The following TERT variants were observed in gnomAD, a reference collection of about 807,000 sequenced individuals.
TERT encodes telomerase catalytic subunit.
TERT carries 42 observed loss-of-function variants against 104.0 expected under a neutral mutation model. The observed-to-expected ratio is 0.40, with a 90% CI of 0.32 to 0.52. The LOEUF (loss-of-function observed/expected upper bound fraction) is 0.52. TERT is among the 20% of genes least tolerant of loss of function. TERT has a pLI of 0.43. For missense variants in TERT, 1,101 were observed against 1,610.3 expected, an observed-to-expected ratio of 0.68 and a Z score of 5.41; for synonymous variants, 781 against 725.6, an observed-to-expected ratio of 1.08 and a Z score of -1.23.
rs1270091125 is a variant in TERT at position 1,266,645 on chromosome 5, T to C, written c.2583-110A>G. 6 of 950,806 alleles carry C rather than the reference T, an allele frequency of 6.3e-6. No individual in the cohort carries two copies. The East Asian group carries it at 1.3e-4, about 21-fold the overall frequency. The allele number at this position is 950,806 out of a possible 1,614,324, so 58.9% of individuals were successfully genotyped here. On this transcript the variant is annotated intron_variant, in intron 9 of 15. Coordinates refer to ENST00000310581, the MANE Select transcript of TERT (RefSeq NM_198253.3). Reference sequence around the variant, plus strand: ...TTACACAGCCATAAATAAAGTAACATTCTCCAAAGCGGTTAAATGAAAAAC... The same window carrying C: ...TTACACAGCCATAAATAAAGTAACACTCTCCAAAGCGGTTAAATGAAAAAC...
chr5:1,268,536 C>G lies in TERT; in HGVS notation c.2566G>C (p.Gly856Arg). The change falls in exon 9 of 16, where the codon GGG becomes CGG. Residue 856 changes from glycine (G) to arginine (R), a missense_variant. Gly to Arg is a moderately radical substitution (Grantham distance 125). Transcript: ENST00000310581. The surrounding 1 kb of genome is among the most constrained non-coding windows in gnomAD (Gnocchi z 5.5). Reference protein sequence around the residue: ...YGDMENKLFAGIRRDGLLLRL... With the variant: ...YGDMENKLFARIRRDGLLLRL... ...AGGCCTCACCCGTCCCGCCGAATCC[C>G]CGCAAACAGCTTGTTCTCCATGTCG... 1 of 1,613,534 alleles carries G rather than the reference C, an allele frequency of 6.2e-7. No homozygotes were observed. Among genetic ancestry groups the G allele is most frequent in the Non-Finnish European group, 8.5e-7 (1 of 1,180,016 alleles).
At chr5:1,259,596 CAT>C in intron 12 of TERT, among the ~76,000 whole-genome samples, 9 of 106,216 alleles carry the variant, frequency 8.5e-5, no homozygotes, top group African/African-American at 3.0e-4. Context: ...AGGGAGTGGA[CAT>C]GGATGCCCAC....
rs1751164809 is a variant in TERT at position 1,293,802 on chromosome 5, C to G, written c.1084G>C (p.Glu362Gln). ...GGCCTGGAACCCAGAAAGATGGTCT[C>G]CACGAGCCTCCGAGCGCCAGTCAGG... The part of the protein sequence containing the change: ...PSLTGARRLV[E>Q]TIFLGSRPWM... Residue 362 changes from glutamate to glutamine, a missense_variant, in exon 2 of 16, where the codon GAG becomes CAG. Coordinates refer to ENST00000310581, the MANE Select transcript of TERT (RefSeq NM_198253.3). 6.4e-7 allele frequency: 1 copy of G among 1,551,080 alleles called. No individual in the cohort carries two copies. Among genetic ancestry groups the G allele is most frequent in the African/African-American group, 1.4e-5 (1 of 73,180 alleles).
At chr5:1,258,442 C>T (rs1035424242) in intron 13 of TERT, among the ~76,000 whole-genome samples, 156 bp downstream of exon 13, 6 of 148,582 alleles carry the variant, frequency 4.0e-5, no homozygotes, top group South Asian at 2.1e-4. Context: ...CAGAGCCACG[C>T]GAACAGAACT....
intron 12 of TERT, among the ~76,000 whole-genome samples, chr5:1,260,149 T>C (rs1748120475): frequency 6.6e-6 from 1 of 152,164 alleles, no homozygotes; most frequent in Admixed American, 6.5e-5. Flanking sequence ...ATACATGTTA[T>C]GTGCACACAT....
chr5:1,259,776 A>G (rs1330564083), intron 12 of TERT, among the ~76,000 whole-genome samples: 57 of 105,742 alleles, frequency 5.4e-4, no homozygotes, highest in African/African-American at 1.6e-3. Context: ...GAGTGGACAC[A>G]GACGCCCACA....
In TERT at chr5:1,257,485, A is replaced by C. The variant is rs908874298; in HGVS notation, c.3032+1113T>G. Among the ~76,000 whole-genome samples, 2 of 152,166 alleles carry C rather than the reference A, an allele frequency of 1.3e-5. No homozygotes were observed. The highest frequency in any genetic ancestry group is 2.4e-5 in the African/African-American group (1 of 41,440). On this transcript the variant is annotated intron_variant, in intron 13 of 15. Transcript: ENST00000310581. This position sits in a 1 kb window ranked among gnomAD's most constrained non-coding sequence, Gnocchi z 5.6. ...AAGCAGCTTGCACGAGGGCCCAGGC[A>C]CGCGTCAGGGAGATGCAAACGAGGG...
At chr5:1,284,276 A>G (rs1336673154) in intron 2 of TERT, among the ~76,000 whole-genome samples, 1 of 85,992 alleles carries the variant, frequency 1.2e-5, no homozygotes, top group African/African-American at 5.1e-5. Flanking sequence ...CACACCCCAG[A>G]CCTGCACCAT....
intron 2 of TERT, 133 bp downstream of exon 2, chr5:1,293,180 T>C: frequency 9.6e-7 from 1 of 1,042,136 alleles, no homozygotes; most frequent in Non-Finnish European, 1.4e-6. Flanking sequence ...CCACTCGACG[T>C]CCTGAGCGAA....
In TERT at chr5:1,261,302, A is replaced by G. The variant is rs942394624; in HGVS notation, c.2844-702T>C. 2.0e-5 allele frequency among the ~76,000 whole-genome samples: 3 copies of G among 152,266 alleles called. No homozygotes were observed. Among genetic ancestry groups the G allele is most frequent in the Non-Finnish European group, 4.4e-5 (3 of 68,052 alleles). ...TAAACATTCTTCAAAAATTCTTTGA[A>G]AAATGTTTAATGGCAGAGCAAGTTT... On this transcript the variant is annotated intron_variant, in intron 11 of 15. Transcript: ENST00000310581. The surrounding 1 kb of genome is among the most constrained non-coding windows in gnomAD (Gnocchi z 7.4).
chr5:1,261,863 C>T lies in TERT; in HGVS notation c.2844-1263G>A, dbSNP rs1046548451. ...GCATGCCCTTTGCCAGCTGGGTGAC[C>T]AAGGGCGGCTGCTCCCCTGGAGCCT... On this transcript the variant is annotated intron_variant, in intron 11 of 15. Coordinates refer to ENST00000310581, the MANE Select transcript of TERT (RefSeq NM_198253.3). The surrounding 1 kb of genome is among the most constrained non-coding windows in gnomAD (Gnocchi z 7.4). 1.3e-5 allele frequency among the ~76,000 whole-genome samples: 2 copies of T among 152,194 alleles called. No homozygotes were observed. Among genetic ancestry groups the T allele is most frequent in the African/African-American group, 4.8e-5 (2 of 41,446 alleles).
chr5:1,275,581 C>T (rs1749504687), intron 6 of TERT, among the ~76,000 whole-genome samples: 1 of 151,926 alleles, frequency 6.6e-6, no homozygotes, highest in Admixed American at 6.6e-5. Context: ...GGGGAGGCCT[C>T]CACACCCCTG....
At position 1,262,937 on chromosome 5, in the gene TERT, T is replaced by C. The variant is rs1247457908; in HGVS notation, c.2843+1467A>G. On this transcript the variant is annotated intron_variant, in intron 11 of 15. Coordinates refer to ENST00000310581, the MANE Select transcript of TERT (RefSeq NM_198253.3). The surrounding 1 kb of genome is among the most constrained non-coding windows in gnomAD (Gnocchi z 5.6). ...GGGAGCCCAGGAAATGTGGAAATCATGCAGACAAAGCCAGTGGAGGCCAGG... is the reference window on the plus strand; with the variant it reads ...GGGAGCCCAGGAAATGTGGAAATCACGCAGACAAAGCCAGTGGAGGCCAGG... Among the ~76,000 whole-genome samples, 1 of 152,106 alleles carries C rather than the reference T, an allele frequency of 6.6e-6. No homozygotes were observed. Among genetic ancestry groups the C allele is most frequent in the Non-Finnish European group, 1.5e-5 (1 of 68,026 alleles).
Position 1,272,180 on chromosome 5 carries a change from C to T in TERT, c.2382+5G>A. The stretch of plus-strand genomic sequence containing the variant: ...GTGCCCAACCCTGCAGGGCAGTGCC[C>T]AGACCTGCTCGATGACGACGGCATC... On this transcript the variant is annotated splice_donor_5th_base_variant and intron_variant, in intron 7 of 15. Coordinates refer to ENST00000310581, the MANE Select transcript of TERT (RefSeq NM_198253.3). The T allele has an allele frequency of 6.2e-7, 1 of 1,607,334 alleles. No individual in the cohort carries two copies. The highest frequency in any genetic ancestry group is 8.5e-7 in the Non-Finnish European group (1 of 1,177,554).
intron 2 of TERT, among the ~76,000 whole-genome samples, chr5:1,283,394 A>C (rs571961694): frequency 8.9e-3 from 533 of 59,778 alleles, no homozygotes; most frequent in Middle Eastern, 0.045. Context: ...TCCAGCTCAC[A>C]GCAGGGCCTG....
rs749719489 is a variant in TERT, at chr5:1,280,161, C to G, written c.1947G>C (p.Lys649Asn). The G allele has an allele frequency of 6.2e-7, 1 of 1,614,112 alleles. No homozygotes were observed. Among genetic ancestry groups the G allele is most frequent in the South Asian group, 1.1e-5 (1 of 91,086 alleles). ...AGTTAAACCAAAGCACAGCCACCCT[C>G]TTTTCTCTGCGGAACGTTCTGGCTC... ...VVGARTFRRE[K>N]RAERLTSRVK... Residue 649 changes from lysine to asparagine, a missense_variant, in exon 4 of 16, where the codon AAG becomes AAC. Physicochemically the swap from Lys to Asn is moderately conservative, Grantham distance 94 (BLOSUM62 0). Around this residue, in one of 5 missense-constraint regions of TERT, gnomAD observed 463 missense variants for 797.5 expected, o/e 0.58. Coordinates refer to ENST00000310581, the MANE Select transcript of TERT (RefSeq NM_198253.3).
At chr5:1,278,598 A>T (rs377385618) in intron 6 of TERT, 43 bp downstream of exon 6, 10 of 1,613,396 alleles carry the variant, frequency 6.2e-6, no homozygotes, top group African/African-American at 1.3e-5. Flanking sequence ...TTCATATCCC[A>T]GAGACACACA....
rs1315824330 is a variant in TERT at position 1,265,125 on chromosome 5, T to C, written c.2655-533A>G. ...TGGGCTGTGAGCTGGGCAACACCAG[T>C]CGTCAGCTTCACGTCAAGGAGGTTC... On this transcript the variant is annotated intron_variant, in intron 10 of 15. Coordinates refer to ENST00000310581, the MANE Select transcript of TERT (RefSeq NM_198253.3). The surrounding 1 kb of genome is among the most constrained non-coding windows in gnomAD (Gnocchi z 6.9). Among the ~76,000 whole-genome samples, 1 of 152,124 alleles carries C rather than the reference T, an allele frequency of 6.6e-6. No individual in the cohort carries two copies. Among genetic ancestry groups the C allele is most frequent in the East Asian group, 1.9e-4 (1 of 5,192 alleles).
Position 1,287,986 on chromosome 5 carries a change from C to A in TERT, c.1573+5327G>T, listed in dbSNP as rs1750597788. ...ACCACTACACAACTGAGTTAGAAATCAATAATAAAATGATAACTTAAAATA... is the reference window on the plus strand; with the variant it reads ...ACCACTACACAACTGAGTTAGAAATAAATAATAAAATGATAACTTAAAATA... On this transcript the variant is annotated intron_variant, in intron 2 of 15. Transcript: ENST00000310581. The surrounding 1 kb of genome is among the most constrained non-coding windows in gnomAD (Gnocchi z 4.3). 6.6e-6 allele frequency among the ~76,000 whole-genome samples: 1 copy of A among 151,790 alleles called. No homozygotes were observed. The highest frequency in any genetic ancestry group is 2.4e-5 in the African/African-American group (1 of 41,290).
Sources: allele counts gnomAD v4.1 joint callset (sites outside exome capture counted in the v4.1 genomes callset), GRCh38; gene constraint gnomAD v4.1.1; regional missense constraint gnomAD v4.1.1; non-coding constraint Gnocchi (gnomAD v3.1); transcripts MANE v1.5; gene names NCBI Gene and HGNC (gene_info 2026-07-23, HGNC 2026-07-21).